ADAMTSL3: variants seen among roughly 807,000 people sequenced by gnomAD.
ADAMTSL3 encodes ADAMTS like 3, also known as ADAMTS-like protein 3.
ADAMTSL3 carries 128 observed loss-of-function variants against 201.7 expected under a neutral mutation model. The ratio of observed to expected loss-of-function variants is 0.63; its 90% CI spans 0.55 to 0.73. The LOEUF (loss-of-function observed/expected upper bound fraction) is 0.73. ADAMTSL3 is among the 30% of genes least tolerant of loss of function. The pLI is 0.00. For missense variants in ADAMTSL3, 1,990 were observed against 2,119.6 expected (o/e 0.94, Z 1.20); for synonymous variants, 738 against 748.4 (o/e 0.99, Z 0.23).
chr15:83,772,717 T>G (rs2063004397), intron 3 of ADAMTSL3, among the ~76,000 whole-genome samples: 1 of 151,370 alleles, frequency 6.6e-6, no homozygotes, highest in African/African-American at 2.4e-5. Flanking sequence ...TTTTTTTTTT[T>G]TTTTCTGAGA....
intron 7 of ADAMTSL3, among the ~76,000 whole-genome samples, chr15:83,852,182 G>A (rs1193325847): frequency 6.7e-6 from 1 of 149,034 alleles, no homozygotes; most frequent in Admixed American, 6.7e-5. Flanking sequence ...GTATGGTCTC[G>A]GCTCACTATG....
intron 17 of ADAMTSL3, among the ~76,000 whole-genome samples, chr15:83,929,265 A>G (rs956645823): frequency 1.3e-5 from 2 of 152,174 alleles, no homozygotes; most frequent in Admixed American, 1.3e-4. Context: ...GAAATTTATC[A>G]TCTCCCAGAT....
At chr15:83,986,016 A>G (rs2067468490) in intron 21 of ADAMTSL3, among the ~76,000 whole-genome samples, 1 of 152,034 alleles carries the variant, frequency 6.6e-6, no homozygotes, top group Admixed American at 6.6e-5. Context: ...TTACTGGTAC[A>G]CTTCAATATC....
intron 3 of ADAMTSL3, among the ~76,000 whole-genome samples, chr15:83,747,599 C>G (rs1596133163): frequency 6.6e-6 from 1 of 152,034 alleles, no homozygotes; most frequent in South Asian, 2.1e-4. Flanking sequence ...TTAAGTGTTC[C>G]CCTGGAGGAC....
chr15:83,951,843 A>G (rs1192240097), intron 19 of ADAMTSL3, among the ~76,000 whole-genome samples: 2 of 152,154 alleles, frequency 1.3e-5, no homozygotes, highest in African/African-American at 2.4e-5. Flanking sequence ...ATTTTGCAGT[A>G]TCAGTTCTAA....
At position 83,982,291 on chromosome 15, in the gene ADAMTSL3, A is replaced by C. The variant is rs1464992029; in HGVS notation, c.2663A>C (p.Lys888Thr). The C allele has an allele frequency of 6.3e-7, 1 of 1,596,598 alleles. No individual in the cohort carries two copies. The highest frequency in any genetic ancestry group is 8.5e-7 in the Non-Finnish European group (1 of 1,169,606). ...PECSKIKSEM[K>T]TKLGEQGPQI... ...CTTGGAGAAATCAAATCAGAGATGA[A>C]GACAAAACTTGGTGAGCAGGGTCCG... Residue 888 changes from lysine to threonine, a missense_variant, in exon 21 of 30, where the codon AAG becomes ACG. Lys to Thr is a moderately conservative substitution (Grantham distance 78). Transcript: ENST00000286744.
At chr15:83,832,957 A>G (rs112157268) in intron 6 of ADAMTSL3, among the ~76,000 whole-genome samples, 2 of 152,270 alleles carry the variant, frequency 1.3e-5, no homozygotes, top group African/African-American at 4.8e-5. Context: ...ATGTTTATTG[A>G]ATTCCCTGAT....
At chr15:83,797,016 A>G (rs913135372) in intron 4 of ADAMTSL3, among the ~76,000 whole-genome samples, 33 of 152,210 alleles carry the variant, frequency 2.2e-4, no homozygotes, top group Admixed American at 1.5e-3. Context: ...TAAGATACAA[A>G]AAGTTTGAGT....
In ADAMTSL3 at chr15:84,010,820, A is replaced by C. The variant is rs114117338; in HGVS notation, c.3974-3722A>C. Among the ~76,000 whole-genome samples the C allele has an allele frequency of 4.9e-3, 745 of 152,338 alleles. 5 individuals carry two copies. Among genetic ancestry groups the C allele is most frequent in the African/African-American group, 0.017 (687 of 41,580 alleles). On this transcript the variant is annotated intron_variant, in intron 23 of 29. Transcript: ENST00000286744. ...ACATTCAATCAAAAAACAAGGCACT[A>C]TACCATGAAAAGTCTGGCTCCTGCT...
At chr15:83,729,326 C>A (rs1474907361) in intron 3 of ADAMTSL3, among the ~76,000 whole-genome samples, 1 of 151,936 alleles carries the variant, frequency 6.6e-6, no homozygotes, top group African/African-American at 2.4e-5. Flanking sequence ...TGTTATTATC[C>A]TTTTGAGTAA....
intron 3 of ADAMTSL3, among the ~76,000 whole-genome samples, chr15:83,724,811 T>G (rs561846800): frequency 2.0e-5 from 3 of 152,172 alleles, no homozygotes; most frequent in Non-Finnish European, 4.4e-5. Context: ...AAGTTTGTCT[T>G]TCTGTACCTG....
intron 5 of ADAMTSL3, among the ~76,000 whole-genome samples, 154 bp from the exon 6 acceptor site, chr15:83,819,657 G>T (rs1380353018): frequency 1.3e-5 from 1 of 77,906 alleles, no homozygotes; most frequent in Non-Finnish European, 2.5e-5. Context: ...ATTCAACGTT[G>T]AATCAAAAAA....
chr15:83,877,981 C>T (rs1030241718), intron 9 of ADAMTSL3, among the ~76,000 whole-genome samples: 4 of 152,182 alleles, frequency 2.6e-5, no homozygotes, highest in Admixed American at 2.0e-4. Context: ...TGTATACGTA[C>T]GCAATTGTGA....
At chr15:83,853,221 G>C (rs1246080448) in intron 7 of ADAMTSL3, among the ~76,000 whole-genome samples, 1 of 151,562 alleles carries the variant, frequency 6.6e-6, no homozygotes, top group Admixed American at 6.6e-5. Flanking sequence ...TTGCAAATGG[G>C]GCATTTTCTT....
At chr15:83,664,532 T>C (rs528508638) in intron 2 of ADAMTSL3, among the ~76,000 whole-genome samples, 4 of 152,338 alleles carry the variant, frequency 2.6e-5, no homozygotes, top group Non-Finnish European at 4.4e-5. Flanking sequence ...ATGCCTTCTT[T>C]ATTCCTGTAC....
At chr15:83,813,586 CG>C (rs1343285882) in intron 5 of ADAMTSL3, among the ~76,000 whole-genome samples, 3 of 152,150 alleles carry the variant, frequency 2.0e-5, no homozygotes, top group Non-Finnish European at 4.4e-5. Context: ...ATCCAGGCCA[CG>C]AGGACCACAC....
intron 27 of ADAMTSL3, among the ~76,000 whole-genome samples, chr15:84,028,642 T>C (rs919339504): frequency 1.3e-5 from 2 of 152,222 alleles, no homozygotes; most frequent in African/African-American, 4.8e-5. Flanking sequence ...TTAAACCCAA[T>C]TGATTCAAGA....
chr15:83,911,771 CTG>C (rs961111269), intron 15 of ADAMTSL3, among the ~76,000 whole-genome samples: 27 of 152,172 alleles, frequency 1.8e-4, no homozygotes, highest in African/African-American at 6.5e-4. Context: ...TTGGATGACT[CTG>C]TGAGAACCTT....
At chr15:83,881,415 C>G (rs2065268545) in intron 9 of ADAMTSL3, among the ~76,000 whole-genome samples, 1 of 152,220 alleles carries the variant, frequency 6.6e-6, no homozygotes, top group Non-Finnish European at 1.5e-5. Flanking sequence ...CCACCACTTG[C>G]AGACTGGAAA....
Sources: allele counts gnomAD v4.1 joint callset (sites outside exome capture counted in the v4.1 genomes callset), GRCh38; gene constraint gnomAD v4.1.1; transcripts MANE v1.5; gene names NCBI Gene and HGNC (gene_info 2026-07-23, HGNC 2026-07-21).